The following GALC variants were observed in gnomAD, a reference collection of about 807,000 sequenced individuals.
GALC encodes galactosylceramidase, also known as galactocerebrosidase.
Under a neutral mutation model 91.8 loss-of-function variants are expected in GALC, and 77 were observed. That is an observed-to-expected ratio of 0.84 (90% CI 0.70 to 1.01). GALC has a LOEUF of 1.01. Ranked by LOEUF, GALC falls within the 50% of genes least tolerant of loss-of-function variation. The pLI is 0.00. For synonymous variants in GALC, 357 were observed against 306.7 expected (o/e 1.16, Z -1.71); for missense variants, 882 against 855.9 (o/e 1.03, Z -0.38).
Position 87,934,691 on chromosome 14 carries a change from G to A in GALC, c.*41C>T, listed in dbSNP as rs564789658. 26 of 1,612,078 alleles carry A rather than the reference G, an allele frequency of 1.6e-5. No homozygotes were observed. The South Asian group carries it at 2.5e-4, about 16-fold the overall frequency. On this transcript the variant is annotated 3_prime_UTR_variant, in exon 17 of 17. Coordinates refer to ENST00000261304, the MANE Select transcript of GALC (RefSeq NM_000153.4). ...GGCTCTGAACCAAAACCAAAAAGAA[G>A]GGAAGAAAATCCAGAGTATTCTATG... is the stretch of plus-strand genomic sequence containing the variant.
intron 14 of GALC, among the ~76,000 whole-genome samples, chr14:87,945,129 A>AATGG (rs79897156): frequency 3.3e-5 from 5 of 151,864 alleles, no homozygotes; most frequent in African/African-American, 1.2e-4. Flanking sequence ...TCACCTGGTA[A>AATGG]ATCTTTTAAT....
intron 6 of GALC, among the ~76,000 whole-genome samples, chr14:87,977,229 T>C (rs1886537831): frequency 6.6e-6 from 1 of 152,168 alleles, no homozygotes; most frequent in Admixed American, 6.5e-5. Flanking sequence ...TATTCTGCCA[T>C]TATTAAACAG....
At chr14:87,958,225 CTAA>C (rs1226882241) in intron 10 of GALC, among the ~76,000 whole-genome samples, 6 of 151,980 alleles carry the variant, frequency 3.9e-5, no homozygotes, top group Non-Finnish European at 7.4e-5. Flanking sequence ...GACATGTGTG[CTAA>C]TAATAGAACA....
In GALC at chr14:87,933,291, G is replaced by GA. The variant is rs1884438327; in HGVS notation, c.*1440dup. 6.6e-6 allele frequency: 1 copy of GA among 152,540 alleles called. No homozygotes were observed. Among genetic ancestry groups the GA allele is most frequent in the African/African-American group, 2.4e-5 (1 of 41,444 alleles). 9.4% of individuals were successfully genotyped at this position (152,540 alleles called of 1,614,324 possible). On this transcript the variant is annotated 3_prime_UTR_variant, in exon 17 of 17. Transcript: ENST00000261304. ...GGCTGCCAACAATTGGGAGTGAAAG[G>GA]AACTGACTGAGCAGGTATACAAGAG...
intron 7 of GALC, among the ~76,000 whole-genome samples, chr14:87,973,138 G>A (rs929542947): frequency 6.6e-6 from 1 of 152,096 alleles, no homozygotes; most frequent in South Asian, 2.1e-4. Context: ...ACATATTTGA[G>A]AATTAAAAAA....
intron 7 of GALC, among the ~76,000 whole-genome samples, chr14:87,972,664 G>A (rs1886343569): frequency 6.6e-6 from 1 of 151,942 alleles, no homozygotes. Flanking sequence ...TGGAAATGAA[G>A]GCTAAACTAG....
chr14:87,955,810 A>C (rs1462950314), intron 10 of GALC, among the ~76,000 whole-genome samples: 1 of 152,074 alleles, frequency 6.6e-6, no homozygotes, highest in Non-Finnish European at 1.5e-5. Flanking sequence ...TTTAGCAAAC[A>C]TGTAGCAATC....
intron 8 of GALC, among the ~76,000 whole-genome samples, chr14:87,965,892 T>C (rs997068884): frequency 6.6e-6 from 1 of 152,184 alleles, no homozygotes; most frequent in African/African-American, 2.4e-5. Context: ...TTTACTGAAC[T>C]GTGGTATAGC....
chr14:87,949,406 A>G (rs449615), intron 12 of GALC, among the ~76,000 whole-genome samples: 87,776 of 151,736 alleles, frequency 0.58, 26,525 homozygotes, highest in Non-Finnish European at 0.65. Context: ...GGTCACAAAA[A>G]TCAGATCTGC....
rs1352927797 is a variant in GALC at position 87,934,205 on chromosome 14, T to C, written c.*527A>G. 7.2e-7 allele frequency: 1 copy of C among 1,394,854 alleles called. No homozygotes were observed. Among genetic ancestry groups the C allele is most frequent in the African/African-American group, 1.5e-5 (1 of 68,382 alleles). 86.4% of individuals were successfully genotyped at this position (1,394,854 alleles called of 1,614,324 possible). ...AAAAGTATCATCTTAAAAAGGAAAA[T>C]AAAAAAATACTTTTTAGAGCATAAA... On this transcript the variant is annotated 3_prime_UTR_variant, in exon 17 of 17. Coordinates refer to ENST00000261304, the MANE Select transcript of GALC (RefSeq NM_000153.4).
rs768993170 is a variant in GALC, at chr14:87,984,476, T to A, written c.500A>T (p.Asn167Ile). The A allele has an allele frequency of 6.2e-7, 1 of 1,614,150 alleles. No homozygotes were observed. Among genetic ancestry groups the A allele is most frequent in the Non-Finnish European group, 8.5e-7 (1 of 1,180,018 alleles). The change falls in exon 5 of 17, where the codon AAT (asparagine) becomes ATT (isoleucine). Residue 167 changes from asparagine (N) to isoleucine (I), a missense_variant. By Grantham distance (149) the Asn-to-Ile change is moderately radical. Coordinates refer to ENST00000261304, the MANE Select transcript of GALC (RefSeq NM_000153.4). ...LGKGFDWPYV[N>I]LQLTAYYVVT... Reference sequence around the variant, plus strand: ...GACATAATAGGCAGTCAGCTGAAGATTGACATAAGGCCAGTCGAAACCTTT... The same window carrying A: ...GACATAATAGGCAGTCAGCTGAAGAATGACATAAGGCCAGTCGAAACCTTT...
At chr14:87,976,601 C>T in intron 6 of GALC, 113 bp from the exon 7 acceptor site, 1 of 901,108 alleles carries the variant, frequency 1.1e-6, no homozygotes, top group Non-Finnish European at 1.8e-6. Context: ...TGGATAATAG[C>T]TTCTTTTGTT....
intron 3 of GALC, 145 bp from the exon 4 acceptor site, chr14:87,986,747 T>C (rs1487384697): frequency 5.8e-6 from 4 of 691,116 alleles, no homozygotes; most frequent in African/African-American, 1.8e-5. Flanking sequence ...ATCATAATCT[T>C]ACACAACTAA....
chr14:87,939,519 T>C (rs919060885), intron 16 of GALC, among the ~76,000 whole-genome samples: 1 of 151,912 alleles, frequency 6.6e-6, no homozygotes, highest in Admixed American at 6.6e-5. Context: ...ATGCTTATAA[T>C]TGAAAACCAA....
Position 87,977,625 on chromosome 14 carries a change from A to G in GALC, c.622-1137T>C, listed in dbSNP as rs188730653. On this transcript the variant is annotated intron_variant, in intron 6 of 16. Coordinates refer to ENST00000261304, the MANE Select transcript of GALC (RefSeq NM_000153.4). The stretch of plus-strand genomic sequence containing the variant: ...AATAAGCCCACTACTATAGCCCCCA[A>G]GGACTCGGAAATCTCTGGCACATAG... 2.7e-3 allele frequency among the ~76,000 whole-genome samples: 410 copies of G among 152,316 alleles called. 3 individuals carry two copies. Among genetic ancestry groups the G allele is most frequent in the African/African-American group, 9.5e-3 (395 of 41,570 alleles).
chr14:87,961,035 T>C (rs1350292045), intron 10 of GALC, among the ~76,000 whole-genome samples: 6 of 152,070 alleles, frequency 3.9e-5, no homozygotes, highest in Admixed American at 3.3e-4. Context: ...AGACAACCCA[T>C]ACAAAGGGAG....
At chr14:87,977,931 C>T (rs929764451) in intron 6 of GALC, among the ~76,000 whole-genome samples, 1 of 152,070 alleles carries the variant, frequency 6.6e-6, no homozygotes, top group Admixed American at 6.5e-5. Context: ...CTAGGACACC[C>T]TAGAAGTCTA....
intron 1 of GALC, among the ~76,000 whole-genome samples, chr14:87,990,773 A>G (rs1042935375): frequency 2.6e-5 from 4 of 152,236 alleles, no homozygotes; most frequent in East Asian, 1.9e-4. Flanking sequence ...ACACAACAGC[A>G]TAAGTCAAAG....
At chr14:87,968,211 A>C in intron 8 of GALC, 124 bp downstream of exon 8, 1 of 783,886 alleles carries the variant, frequency 1.3e-6, no homozygotes, top group Non-Finnish European at 2.1e-6. Flanking sequence ...AGATGACGCT[A>C]ACAAGGCAAA....
Sources: allele counts gnomAD v4.1 joint callset (sites outside exome capture counted in the v4.1 genomes callset), GRCh38; gene constraint gnomAD v4.1.1; transcripts MANE v1.5; gene names NCBI Gene and HGNC (gene_info 2026-07-23, HGNC 2026-07-21).